Variants in BCL2 observed in about 807,000 individuals in gnomAD.
BCL2 encodes the protein BCL2 apoptosis regulator.
BCL2 carries 1 observed loss-of-function variant against 14.2 expected under a neutral mutation model. That is an observed-to-expected ratio of 0.07 (90% CI 0.02 to 0.33). The LOEUF (loss-of-function observed/expected upper bound fraction) is 0.33. Ranked by LOEUF, BCL2 falls within the 10% of genes least tolerant of loss-of-function variation. The pLI is 0.99. For synonymous variants in BCL2, 151 were observed against 137.2 expected, an observed-to-expected ratio of 1.10 and a Z score of -0.70; for missense variants, 247 against 305.9, an observed-to-expected ratio of 0.81 and a Z score of 1.44.
chr18:63,272,915 A>G (rs761254442), intron 2 of BCL2, among the ~76,000 whole-genome samples: 24 of 151,866 alleles, frequency 1.6e-4, no homozygotes, highest in Non-Finnish European at 3.5e-4. Flanking sequence ...TATAAATTCA[A>G]TTTCTATTTC....
intron 2 of BCL2, among the ~76,000 whole-genome samples, chr18:63,138,434 G>A (rs909563361): frequency 3.3e-5 from 5 of 152,166 alleles, no homozygotes; most frequent in South Asian, 4.1e-4. Context: ...TCTTCCTCCC[G>A]CACCCTCCCT....
chr18:63,260,406 G>T (rs1314420198), intron 2 of BCL2, among the ~76,000 whole-genome samples: 2 of 152,148 alleles, frequency 1.3e-5, no homozygotes, highest in African/African-American at 2.4e-5. Context: ...ATGATTGAAG[G>T]CTTCAAGATC....
intron 2 of BCL2, among the ~76,000 whole-genome samples, chr18:63,174,819 T>TAAAAAA (rs1915314563): frequency 1.5e-5 from 1 of 68,658 alleles, no homozygotes; most frequent in South Asian, 5.7e-4. Context: ...AGACTTTGTC[T>TAAAAAA]CAAAAAAAAA....
rs1372521942 is a variant in BCL2, at chr18:63,134,342, T to C, written c.586-5583A>G. ...TCCATAATTTGACAGACAAAAATGCTGGGAGATGATGTCTAGTAGTGGGGA... is the reference window on the plus strand; with the variant it reads ...TCCATAATTTGACAGACAAAAATGCCGGGAGATGATGTCTAGTAGTGGGGA... On this transcript the variant is annotated intron_variant, in intron 2 of 2. Transcript: ENST00000333681. Among the ~76,000 whole-genome samples the C allele has an allele frequency of 2.0e-5, 3 of 152,212 alleles. No homozygotes were observed. The East Asian group carries it at 5.8e-4, about 29-fold the overall frequency.
intron 2 of BCL2, among the ~76,000 whole-genome samples, chr18:63,281,665 T>TCAGA (rs1275748237): frequency 1.1e-5 from 1 of 92,996 alleles, no homozygotes; most frequent in Non-Finnish European, 2.0e-5. Flanking sequence ...AGACCTTGTC[T>TCAGA]CAGAAAGAAA....
chr18:63,181,834 G>A (rs974310735), intron 2 of BCL2, among the ~76,000 whole-genome samples: 5 of 152,188 alleles, frequency 3.3e-5, no homozygotes, highest in Admixed American at 3.3e-4. Context: ...TCTGTCTGAT[G>A]GGAAGGGCAG....
At chr18:63,235,812 G>A (rs929749916) in intron 2 of BCL2, among the ~76,000 whole-genome samples, 6 of 151,144 alleles carry the variant, frequency 4.0e-5, no homozygotes, top group African/African-American at 1.5e-4. Context: ...ACTGTGTGAT[G>A]CTCAATGCTC....
chr18:63,297,552 C>A (rs940929434), intron 2 of BCL2, among the ~76,000 whole-genome samples: 1 of 152,194 alleles, frequency 6.6e-6, no homozygotes, highest in African/African-American at 2.4e-5. Flanking sequence ...CACAGAGCAG[C>A]CTTTTCTCAG....
At chr18:63,179,012 A>T (rs1470548610) in intron 2 of BCL2, among the ~76,000 whole-genome samples, 3 of 152,208 alleles carry the variant, frequency 2.0e-5, no homozygotes, top group Non-Finnish European at 4.4e-5. Flanking sequence ...CATGCAATTT[A>T]AAAAATAATA....
intron 2 of BCL2, among the ~76,000 whole-genome samples, chr18:63,312,821 C>T (rs529773081): frequency 1.3e-5 from 2 of 152,294 alleles, no homozygotes; most frequent in East Asian, 3.9e-4. Context: ...TTGTCTTTTA[C>T]TTAAAAAGAA....
intron 2 of BCL2, among the ~76,000 whole-genome samples, chr18:63,272,323 C>A (rs767492929): frequency 6.6e-6 from 1 of 152,178 alleles, no homozygotes; most frequent in Non-Finnish European, 1.5e-5. Flanking sequence ...GGCTAAGACA[C>A]TGGCCATTAC....
At chr18:63,287,642 G>C (rs929029770) in intron 2 of BCL2, among the ~76,000 whole-genome samples, 1 of 152,202 alleles carries the variant, frequency 6.6e-6, no homozygotes, top group Non-Finnish European at 1.5e-5. Context: ...GAATTTTACT[G>C]TAGGTAAACT....
chr18:63,199,679 G>T (rs1003510148), intron 2 of BCL2, among the ~76,000 whole-genome samples: 8 of 150,906 alleles, frequency 5.3e-5, no homozygotes, highest in Non-Finnish European at 1.0e-4. Context: ...ATACACACAG[G>T]TACAGACACG....
At chr18:63,209,383 G>A (rs1909934859) in intron 2 of BCL2, among the ~76,000 whole-genome samples, 1 of 152,168 alleles carries the variant, frequency 6.6e-6, no homozygotes, top group Non-Finnish European at 1.5e-5. Flanking sequence ...GTTGGAAGTG[G>A]GGGAAATGAA....
At chr18:63,274,124 A>G (rs1264278997) in intron 2 of BCL2, among the ~76,000 whole-genome samples, 1 of 151,838 alleles carries the variant, frequency 6.6e-6, no homozygotes, top group Non-Finnish European at 1.5e-5. Flanking sequence ...GGAGGGAGAG[A>G]TATTTTTTCT....
intron 2 of BCL2, among the ~76,000 whole-genome samples, chr18:63,181,194 T>C (rs755444108): frequency 3.3e-5 from 5 of 152,214 alleles, no homozygotes; most frequent in Non-Finnish European, 7.3e-5. Flanking sequence ...ATGCCAGTTT[T>C]AGAGTTCATC....
intron 2 of BCL2, among the ~76,000 whole-genome samples, chr18:63,219,530 C>T (rs538094636): frequency 2.7e-4 from 41 of 149,202 alleles, no homozygotes; most frequent in African/African-American, 9.2e-4. Flanking sequence ...AATCTCAGCT[C>T]ACTGCAACCT....
chr18:63,133,720 C>G (rs1914133951), intron 2 of BCL2, among the ~76,000 whole-genome samples: 1 of 152,168 alleles, frequency 6.6e-6, no homozygotes, highest in Non-Finnish European at 1.5e-5. Flanking sequence ...GGGCGGGGGT[C>G]CCAAAATAAC....
Position 63,319,506 on chromosome 18 carries a change from T to G in BCL2, c.-619A>C, listed in dbSNP as rs963614533. ...CAGAAGTCCTGTGATGTTTTCCCCT[T>G]CTCGGCAATTTACACGCGCGCACAC... On this transcript the variant is annotated 5_prime_UTR_variant, in exon 1 of 3. Transcript: ENST00000333681. 4 of 228,992 alleles carry G rather than the reference T, an allele frequency of 1.7e-5. No individual in the cohort carries two copies. The highest frequency in any genetic ancestry group is 4.4e-5 in the African/African-American group (2 of 45,106). 14.2% of individuals were successfully genotyped at this position (228,992 alleles called of 1,614,324 possible).
Sources: gnomAD v4.1 joint callset for allele counts (sites outside exome capture counted in the v4.1 genomes callset) on GRCh38, gnomAD v4.1.1 for gene constraint, MANE v1.5 for transcripts, NCBI Gene and HGNC (gene_info 2026-07-23, HGNC 2026-07-21) for gene names.